GPD2: variants seen among roughly 807,000 people sequenced by gnomAD.
GPD2 encodes the protein glycerol-3-phosphate dehydrogenase, mitochondrial.
A neutral mutation model predicts 82.4 loss-of-function variants in GPD2; 54 were observed. The ratio of observed to expected loss-of-function variants is 0.66; its 90% CI spans 0.53 to 0.82. The LOEUF (loss-of-function observed/expected upper bound fraction) is 0.82, where lower values mean the gene tolerates loss of function less well. GPD2 is among the 40% of genes least tolerant of loss of function. The pLI is 0.00. For synonymous variants in GPD2, 288 were observed against 306.1 expected (o/e 0.94, Z 0.62); for missense variants, 748 against 896.2 (o/e 0.83, Z 2.11).
chr2:156,453,036 A>G (rs1318338849), intron 1 of GPD2, among the ~76,000 whole-genome samples: 1 of 152,188 alleles, frequency 6.6e-6, no homozygotes. Flanking sequence ...GCTATTTTGA[A>G]ACATCCTGGG....
At chr2:156,434,647 T>A (rs149679160), upstream of GPD2, among the ~76,000 whole-genome samples, 1 of 152,292 alleles carries the variant, frequency 6.6e-6, no homozygotes, top group Non-Finnish European at 1.5e-5. Flanking sequence ...CTGATAAATT[T>A]TGCATACCTC....
At chr2:156,520,297 GA>G (rs1685353577) in intron 6 of GPD2, among the ~76,000 whole-genome samples, 1 of 152,124 alleles carries the variant, frequency 6.6e-6, no homozygotes, top group African/African-American at 2.4e-5. Context: ...CAGGCTTGTG[GA>G]TGGGGCCATT....
intron 2 of GPD2, among the ~76,000 whole-genome samples, chr2:156,478,714 A>G (rs1426094589): frequency 6.6e-6 from 1 of 152,088 alleles, no homozygotes; most frequent in African/African-American, 2.4e-5. Flanking sequence ...AATTGGCTAC[A>G]CTTTTGTTTG....
intron 2 of GPD2, among the ~76,000 whole-genome samples, chr2:156,490,702 G>A (rs923705271): frequency 1.4e-4 from 22 of 152,054 alleles, no homozygotes; most frequent in African/African-American, 3.6e-4. Context: ...CCATGAACCC[G>A]CTGTGTACTT....
Position 156,583,079 on chromosome 2 carries a change from C to T in GPD2, c.*161C>T. The T allele has an allele frequency of 1.4e-6, 1 of 733,270 alleles. No homozygotes were observed. The highest frequency in any genetic ancestry group is 2.4e-6 in the Non-Finnish European group (1 of 421,036). The allele number at this position is 733,270 out of a possible 1,614,324, so 45.4% of individuals were successfully genotyped here. On this transcript the variant is annotated 3_prime_UTR_variant, in exon 17 of 17. Coordinates refer to ENST00000438166, the MANE Select transcript of GPD2 (RefSeq NM_000408.5). ...TTTAAGGTGTTGGTGTATTTGCCAG[C>T]TTTATTTGCTGTACTTTATTTGTAT...
chr2:156,491,788 C>T (rs1452822855), intron 2 of GPD2, among the ~76,000 whole-genome samples: 4 of 151,862 alleles, frequency 2.6e-5, no homozygotes, highest in Non-Finnish European at 2.9e-5. Context: ...TTTGGGAGCC[C>T]GAGGCTGGTG....
At position 156,566,384 on chromosome 2, in the gene GPD2, C is replaced by T. The variant is rs142864961; in HGVS notation, c.1166-2441C>T. On this transcript the variant is annotated intron_variant, in intron 9 of 16. Coordinates refer to ENST00000438166, the MANE Select transcript of GPD2 (RefSeq NM_000408.5). ...CATTCAATAGTAACTCTTATTCCCCCTCTCCCAACCCCTTGGCAACTACCA... is the reference window on the plus strand; with the variant it reads ...CATTCAATAGTAACTCTTATTCCCCTTCTCCCAACCCCTTGGCAACTACCA... 1.9e-3 allele frequency among the ~76,000 whole-genome samples: 285 copies of T among 152,190 alleles called. 1 individual carries two copies. The highest frequency in any genetic ancestry group is 6.5e-3 in the African/African-American group (269 of 41,550).
chr2:156,495,218 G>A (rs896327254), intron 2 of GPD2, among the ~76,000 whole-genome samples: 7 of 152,086 alleles, frequency 4.6e-5, no homozygotes, highest in East Asian at 1.9e-4. Flanking sequence ...GCTTGGTGGC[G>A]CACACCTGTA....
intron 9 of GPD2, among the ~76,000 whole-genome samples, chr2:156,566,065 A>G (rs750340641): frequency 6.6e-6 from 1 of 152,094 alleles, no homozygotes; most frequent in Non-Finnish European, 1.5e-5. Flanking sequence ...AATGGGATTT[A>G]TGGATTTGAA....
chr2:156,532,469 A>C (rs1371220043), intron 6 of GPD2, among the ~76,000 whole-genome samples: 1 of 152,156 alleles, frequency 6.6e-6, no homozygotes, highest in Admixed American at 6.5e-5. Flanking sequence ...CCCACCATTA[A>C]ATTTTAAGGA....
At chr2:156,412,567 G>C in the GPD2 span, among the ~76,000 whole-genome samples, 3 of 152,150 alleles carry the variant, frequency 2.0e-5, no homozygotes, top group South Asian at 2.1e-4. Flanking sequence ...TTGGTAAAAA[G>C]GGCATACAAT....
rs1685637884 is a variant in GPD2, at chr2:156,527,125, T to C, written c.661+13629T>C. 1.3e-5 allele frequency among the ~76,000 whole-genome samples: 2 copies of C among 152,126 alleles called. 1 individual carries two copies. The highest frequency in any genetic ancestry group is 4.1e-4 in the South Asian group (2 of 4,832). On this transcript the variant is annotated intron_variant, in intron 6 of 16. Transcript: ENST00000438166. ...ATTCTGCAGATGACACACAGCAGCT[T>C]TCTTAGTGTAATGGAAAGCCAGCCT...
intron 1 of GPD2, among the ~76,000 whole-genome samples, chr2:156,438,764 G>T (rs976316495): frequency 6.6e-6 from 1 of 152,190 alleles, no homozygotes; most frequent in African/African-American, 2.4e-5. Context: ...CTGTATTCTT[G>T]TGCAGCATTA....
At chr2:156,435,564 C>G (rs961561738), upstream of GPD2, 31 of 152,224 alleles carry the variant, frequency 2.0e-4, no homozygotes, top group African/African-American at 7.2e-4. Context: ...CATTCCACCC[C>G]CTGGAGCTTG....
chr2:156,541,049 T>C (rs1393746725), intron 6 of GPD2, among the ~76,000 whole-genome samples: 3 of 152,230 alleles, frequency 2.0e-5, no homozygotes, highest in Non-Finnish European at 4.4e-5. Context: ...AAAGCTAATA[T>C]TTATTGAGAA....
intron 6 of GPD2, among the ~76,000 whole-genome samples, chr2:156,527,559 G>T (rs1158167277): frequency 6.6e-6 from 1 of 151,818 alleles, no homozygotes; most frequent in Non-Finnish European, 1.5e-5. Flanking sequence ...AATAACTATT[G>T]CTCCTTTTCT....
chr2:156,463,468 G>C (rs1002041473), intron 1 of GPD2, among the ~76,000 whole-genome samples: 1 of 152,128 alleles, frequency 6.6e-6, no homozygotes, highest in Non-Finnish European at 1.5e-5. Context: ...TTAAGATAAT[G>C]CCACATTTAA....
chr2:156,568,634 T>C (rs1394590522), intron 9 of GPD2, among the ~76,000 whole-genome samples, 191 bp from the exon 10 acceptor site: 2 of 152,176 alleles, frequency 1.3e-5, no homozygotes, highest in Non-Finnish European at 2.9e-5. Context: ...ATTATCTTTG[T>C]AACAGAATAA....
rs1437595797 is a variant in GPD2, at chr2:156,550,609, A to G, written c.834A>G (p.Glu278=). 1 of 1,614,094 alleles carries G rather than the reference A, an allele frequency of 6.2e-7. No homozygotes were observed. The highest frequency in any genetic ancestry group is 1.3e-5 in the African/African-American group (1 of 75,062). ...TGCCACTTTCTTTCACAGGGCAGGA[A>G]TTTGACGTGAGAGCCAAATGTGTTA... ...ARCKDVLTGQ[E]FDVRAKCVIN... Residue 278 remains glutamate, a synonymous_variant, in exon 8 of 17, where the codon GAA becomes GAG. Transcript: ENST00000438166.
Sources: gnomAD v4.1 joint callset for allele counts (sites outside exome capture counted in the v4.1 genomes callset) on GRCh38, gnomAD v4.1.1 for gene constraint, MANE v1.5 for transcripts, NCBI Gene and HGNC (gene_info 2026-07-23, HGNC 2026-07-21) for gene names.